Variants in HEATR5B observed in about 807,000 individuals in gnomAD.
HEATR5B encodes HEAT repeat containing 5B.
A neutral mutation model predicts 224.1 loss-of-function variants in HEATR5B; 156 were observed. That is an observed-to-expected ratio of 0.70 (90% CI 0.61 to 0.80). The LOEUF (loss-of-function observed/expected upper bound fraction) is 0.80. HEATR5B is among the 30% of genes least tolerant of loss of function. The pLI, the probability that HEATR5B is intolerant of heterozygous loss-of-function variation, is 0.00. For synonymous variants in HEATR5B, 1,027 were observed against 893.0 expected (o/e 1.15, Z -2.68); for missense variants, 2,323 against 2,535.5 (o/e 0.92, Z 1.80).
chr2:36,990,615 T>C, intron 34 of HEATR5B, 33 bp downstream of exon 34: 1 of 1,489,348 alleles, frequency 6.7e-7, no homozygotes, highest in South Asian at 1.4e-5. Context: ...AAGGGAAATG[T>C]TTTTATCTAT....
chr2:37,042,889 CAAAAAAAAAA>C (rs373043531), intron 18 of HEATR5B, among the ~76,000 whole-genome samples: 2 of 80,714 alleles, frequency 2.5e-5, no homozygotes, highest in African/African-American at 5.7e-5. Flanking sequence ...GACTCTGTCT[CAAAAAAAAAA>C]AAAAAAAAAA....
At chr2:36,989,097 CTTT>C (rs1558693672) in intron 34 of HEATR5B, among the ~76,000 whole-genome samples, 1 of 151,822 alleles carries the variant, frequency 6.6e-6, no homozygotes, top group Admixed American at 6.6e-5. Context: ...TTTCTTTTTT[CTTT>C]TTTTGAGATG....
chr2:37,037,946 A>T lies in HEATR5B; in HGVS notation c.3125T>A (p.Leu1042His). 2 of 1,602,816 alleles carry T rather than the reference A, an allele frequency of 1.2e-6. No individual in the cohort carries two copies. The highest frequency in any genetic ancestry group is 1.7e-6 in the Non-Finnish European group (2 of 1,172,786). Residue 1042 changes from leucine (L) to histidine (H), a missense_variant, in exon 21 of 36, where the codon CTT becomes CAT. This residue lies in a region of HEATR5B where 88 missense variants were observed against 86.8 expected (regional missense o/e 1.01). Transcript: ENST00000233099. ...CAITQDHSDSLVQAAAISCLQ... is the reference protein window; with the variant it reads ...CAITQDHSDSHVQAAAISCLQ... ...GCAAGATATGGCAGCTGCCTGAACA[A>T]GAGAATCTGAATGGTCTTGTGTTAT...
Position 37,053,486 on chromosome 2 carries a change from T to A in HEATR5B, c.2505+16A>T. The A allele has an allele frequency of 7.1e-7, 1 of 1,405,806 alleles. No individual in the cohort carries two copies. Among genetic ancestry groups the A allele is most frequent in the Non-Finnish European group, 9.9e-7 (1 of 1,008,566 alleles). 87.1% of individuals were successfully genotyped at this position (1,405,806 alleles called of 1,614,324 possible). A position where few individuals can be genotyped will look rare whatever the true frequency, so the allele number is the denominator to read the frequency against. On this transcript the variant is annotated intron_variant, in intron 17 of 35. Coordinates refer to ENST00000233099, the MANE Select transcript of HEATR5B (RefSeq NM_019024.3). ...TAAAAACTTATTTCAGAATAGTATGTATTAAAAGTAAATACCTTTAGTGCA... is the reference window on the plus strand; with the variant it reads ...TAAAAACTTATTTCAGAATAGTATGAATTAAAAGTAAATACCTTTAGTGCA...
In HEATR5B at chr2:37,058,987, G is replaced by A; in HGVS notation, c.1850C>T (p.Ala617Val). 2 of 1,597,134 alleles carry A rather than the reference G, an allele frequency of 1.3e-6. No individual in the cohort carries two copies. The highest frequency in any genetic ancestry group is 8.6e-7 in the Non-Finnish European group (1 of 1,168,730). ...ACAATGTGCAACGAAGCTCCTCATG[G>A]CTAGATAAAATGTTTAAAAGGACAG... Reference protein sequence around the residue: ...TLEGRAGALCAMRSFVAHCPE... With the variant: ...TLEGRAGALCVMRSFVAHCPE... The change falls in exon 13 of 36, where the codon GCC (alanine) becomes GTC (valine). Residue 617 changes from alanine (A) to valine (V), a missense_variant and splice_region_variant. Around this residue, in one of 12 missense-constraint regions of HEATR5B, gnomAD observed 502 missense variants for 517.8 expected, o/e 0.97. Transcript: ENST00000233099.
chr2:37,014,130 A>C, intron 26 of HEATR5B, 110 bp from the exon 27 acceptor site: 1 of 534,686 alleles, frequency 1.9e-6, no homozygotes, highest in Non-Finnish European at 3.3e-6. Context: ...CAAAGAACAA[A>C]ACAAAATAAA....
intron 28 of HEATR5B, chr2:37,008,210 C>A: frequency 5.8e-6 from 1 of 172,952 alleles, no homozygotes; most frequent in East Asian, 1.7e-4. Context: ...GATAAGAAAA[C>A]TAAAGTACAA....
intron 21 of HEATR5B, 94 bp from the exon 22 acceptor site, chr2:37,032,867 T>C (rs1572850880): frequency 1.0e-6 from 1 of 991,850 alleles, no homozygotes; most frequent in Non-Finnish European, 1.4e-6. Context: ...CATACATACA[T>C]ATATATGTTT....
At chr2:36,998,268 G>C (rs1007241694) in intron 33 of HEATR5B, among the ~76,000 whole-genome samples, 2 of 152,100 alleles carry the variant, frequency 1.3e-5, no homozygotes, top group Admixed American at 6.6e-5. Context: ...AAAAATGTAA[G>C]CATTTCACCA....
Position 36,981,587 on chromosome 2 carries a change from C to G in HEATR5B, c.6119G>C (p.Arg2040Pro). Residue 2040 changes from arginine to proline, a missense_variant, in exon 36 of 36, where the codon CGA (arginine) becomes CCA (proline). Physicochemically the swap from Arg to Pro is moderately radical, Grantham distance 103 (BLOSUM62 -2). Around this residue, in one of 12 missense-constraint regions of HEATR5B, gnomAD observed 844 missense variants for 812.9 expected, o/e 1.04. Transcript: ENST00000233099. ...ELKVRLETAV[R>P]ASQASKAKAA... is the part of the protein sequence containing the mutation. ...TTTAGCTTTGCTCGCTTGGCTTGCTCGAACGGCAGTTTCTAGACGCACTTT... is the reference window on the plus strand; with the variant it reads ...TTTAGCTTTGCTCGCTTGGCTTGCTGGAACGGCAGTTTCTAGACGCACTTT... 6.2e-7 allele frequency: 1 copy of G among 1,614,178 alleles called. No individual in the cohort carries two copies. Among genetic ancestry groups the G allele is most frequent in the Non-Finnish European group, 8.5e-7 (1 of 1,180,034 alleles).
In HEATR5B at chr2:37,075,646, TACAAA is replaced by T. The variant is rs767873620; in HGVS notation, c.448-17_448-13del. The T allele has an allele frequency of 1.9e-6, 3 of 1,596,158 alleles. No individual in the cohort carries two copies. Among genetic ancestry groups the T allele is most frequent in the Admixed American group, 3.5e-5 (2 of 56,588 alleles). ...CTTCGCCCTTGAGACTAGACATGTA[TACAAA>T]ACAAAACTATTTTGTAAAATAAATT... is the stretch of plus-strand genomic sequence containing the variant. On this transcript the variant is annotated splice_polypyrimidine_tract_variant and intron_variant, in intron 4 of 35. Transcript: ENST00000233099.
intron 27 of HEATR5B, among the ~76,000 whole-genome samples, chr2:37,011,393 G>T (rs1454148640): frequency 6.6e-6 from 1 of 152,194 alleles, no homozygotes; most frequent in Non-Finnish European, 1.5e-5. Context: ...TACTCTGCAG[G>T]CAATGGGGAA....
rs771697224 is a variant in HEATR5B at position 37,003,639 on chromosome 2, G to C, written c.4953C>G (p.Thr1651=). The C allele has an allele frequency of 6.2e-6, 10 of 1,612,412 alleles. No homozygotes were observed. Among genetic ancestry groups the C allele is most frequent in the Admixed American group, 1.7e-5 (1 of 59,926 alleles). ...LLSVLHRLLL[T]WNPSSVQLLV... is the part of the protein sequence containing the mutation. ...ACAGCTGGACAGATGATGGATTCCA[G>C]GTCAATAGAAGGCGGTGCAAAACAC... Residue 1651 remains threonine (T), a synonymous_variant, in exon 31 of 36, where the codon ACC becomes ACG. Coordinates refer to ENST00000233099, the MANE Select transcript of HEATR5B (RefSeq NM_019024.3).
intron 29 of HEATR5B, 146 bp downstream of exon 29, chr2:37,006,904 C>G (rs1572784914): frequency 1.5e-6 from 1 of 645,992 alleles, no homozygotes; most frequent in Non-Finnish European, 2.5e-6. Context: ...ATTCAATTAA[C>G]AATTTATAAG....
At chr2:37,068,014 A>C (rs1671690336) in intron 8 of HEATR5B, among the ~76,000 whole-genome samples, 1 of 152,132 alleles carries the variant, frequency 6.6e-6, no homozygotes, top group African/African-American at 2.4e-5. Context: ...TGAAAAAACT[A>C]AACTTTTAGA....
At chr2:37,030,824 G>A (rs191529971) in intron 22 of HEATR5B, among the ~76,000 whole-genome samples, 69 of 152,290 alleles carry the variant, frequency 4.5e-4, no homozygotes, top group Middle Eastern at 3.4e-3. Context: ...AATTAACACT[G>A]CAGGCCTGAG....
chr2:37,046,639 CAAAAAAAAAA>C lies in HEATR5B; in HGVS notation c.2696+3004_2696+3013del, dbSNP rs531117028. On this transcript the variant is annotated intron_variant, in intron 18 of 35. Transcript: ENST00000233099. ...GGGCAGCAACAGGGAAACTCTGTCT[CAAAAAAAAAA>C]AAAAAAAAATATTGAGAGACGAATA... Among the ~76,000 whole-genome samples the C allele has an allele frequency of 8.7e-4, 79 of 90,342 alleles. 1 individual carries two copies. The highest frequency in any genetic ancestry group is 3.0e-3 in the African/African-American group (74 of 25,034). 59.3% of individuals were successfully genotyped at this position (90,342 alleles called of 152,430 possible). A position where few individuals can be genotyped will look rare whatever the true frequency, so the allele number is the denominator to read the frequency against.
In HEATR5B at chr2:37,049,609, T is replaced by C. The variant is rs769771686; in HGVS notation, c.2696+44A>G. The C allele has an allele frequency of 2.7e-6, 4 of 1,492,470 alleles. No individual in the cohort carries two copies. The Admixed American group carries it at 7.2e-5, about 27-fold the overall frequency. The allele number at this position is 1,492,470 out of a possible 1,614,324, so 92.5% of individuals were successfully genotyped here. On this transcript the variant is annotated intron_variant, in intron 18 of 35. Transcript: ENST00000233099. ...CCAGTTGATTATTATTTAAAAGACA[T>C]CTTTGCCTACACATGAAACTTGTTA...
intron 13 of HEATR5B, 139 bp downstream of exon 13, chr2:37,058,749 C>T: frequency 3.0e-6 from 2 of 672,896 alleles, no homozygotes; most frequent in African/African-American, 1.8e-5. Context: ...CACACCATTG[C>T]TGTAATTTTT....
Sources: allele counts gnomAD v4.1 joint callset (sites outside exome capture counted in the v4.1 genomes callset), GRCh38; gene constraint gnomAD v4.1.1; regional missense constraint gnomAD v4.1.1; transcripts MANE v1.5; gene names NCBI Gene and HGNC (gene_info 2026-07-23, HGNC 2026-07-21).